The following MTERF4 variants were observed in gnomAD, a reference collection of about 807,000 sequenced individuals.
The protein encoded by MTERF4 is mitochondrial transcription termination factor 4, also known as transcription termination factor 4, mitochondrial.
In MTERF4, 17 loss-of-function variants were observed where a neutral mutation model predicts 22.5. The observed-to-expected ratio is 0.75, with a 90% CI of 0.52 to 1.13. The LOEUF (loss-of-function observed/expected upper bound fraction) is 1.13, where lower values mean the gene tolerates loss of function less well. MTERF4 is among the 50% of genes most tolerant of loss of function. MTERF4 has a pLI of 0.00. For missense variants in MTERF4, 420 were observed against 466.8 expected, an observed-to-expected ratio of 0.90 and a Z score of 0.92; for synonymous variants, 165 against 175.3, an observed-to-expected ratio of 0.94 and a Z score of 0.47.
downstream of MTERF4, among the ~76,000 whole-genome samples, chr2:241,086,631 T>A (rs1454976874): frequency 1.3e-5 from 2 of 152,232 alleles, no homozygotes; most frequent in African/African-American, 4.8e-5. Flanking sequence ...ATTGGGAGGT[T>A]AATTCCAGAT....
the MTERF4 span, among the ~76,000 whole-genome samples, chr2:241,052,652 TAC>T: frequency 1.3e-4 from 9 of 67,412 alleles, 2 homozygotes; most frequent in South Asian, 1.8e-3. Flanking sequence ...CCAAGCAGGG[TAC>T]ATGGGACACC....
chr2:241,065,460 G>A, the MTERF4 span: 76 of 1,612,946 alleles, frequency 4.7e-5, 2 homozygotes, highest in South Asian at 5.6e-4. Context: ...AGACTTTGTG[G>A]ACAGGACCCG....
At chr2:241,069,148 C>T, downstream of MTERF4, 1 of 648,180 alleles carries the variant, frequency 1.5e-6, no homozygotes, top group Non-Finnish European at 2.6e-6. This position sits in a 1 kb window ranked among gnomAD's most constrained non-coding sequence, Gnocchi z 4.9. Context: ...CCTGGCCTCC[C>T]AGATGTCTCT....
exon 5 of MTERF4, chr2:241,074,333 CCT>C (rs1370246799): frequency 6.6e-6 from 1 of 152,114 alleles, no homozygotes; most frequent in Non-Finnish European, 1.5e-5. Context: ...GCTGCTAGCC[CCT>C]GTGAGCACCA....
chr2:241,067,169 A>G (rs1448460908), downstream of MTERF4, among the ~76,000 whole-genome samples: 2 of 152,196 alleles, frequency 1.3e-5, no homozygotes, highest in Non-Finnish European at 2.9e-5. Flanking sequence ...GGTGGGTGGA[A>G]GGGACCGCTG....
At chr2:241,083,126 G>A (rs760174519), downstream of MTERF4, among the ~76,000 whole-genome samples, 2 of 152,232 alleles carry the variant, frequency 1.3e-5, no homozygotes, top group Non-Finnish European at 2.9e-5. Flanking sequence ...GAAAAAGGAC[G>A]AGATGACAGG....
chr2:241,050,523 C>T, the MTERF4 span, among the ~76,000 whole-genome samples: 1 of 152,178 alleles, frequency 6.6e-6, no homozygotes, highest in Non-Finnish European at 1.5e-5. Context: ...CCCCAGGCAC[C>T]CCCGCAGCCT....
the MTERF4 span, chr2:241,064,835 TC>T: frequency 5.7e-6 from 9 of 1,572,410 alleles, no homozygotes; most frequent in Non-Finnish European, 6.9e-6. This position sits in a 1 kb window ranked among gnomAD's most constrained non-coding sequence, Gnocchi z 7.0. Context: ...CCACTTTTTC[TC>T]CCCTCAGTGA....
At chr2:241,074,293 C>G (rs907415110) in exon 5 of MTERF4, 5 of 152,156 alleles carry the variant, frequency 3.3e-5, no homozygotes, top group South Asian at 4.2e-4. Flanking sequence ...ACCATCCCCC[C>G]CCCGCCCTCA....
the MTERF4 span, chr2:241,048,289 G>A: frequency 8.3e-6 from 13 of 1,573,024 alleles, no homozygotes; most frequent in Admixed American, 3.8e-5. Flanking sequence ...CTGCGTGGCC[G>A]CTGGTGACTG....
chr2:241,049,911 C>G, the MTERF4 span: 1 of 1,613,626 alleles, frequency 6.2e-7, no homozygotes, highest in Non-Finnish European at 8.5e-7. Context: ...CGCGCGGGTT[C>G]CACGGCAAGC....
Position 241,073,534 on chromosome 2 carries a change from C to T in MTERF4, n.2628G>A, listed in dbSNP as rs993903441. On this transcript the variant is annotated non_coding_transcript_exon_variant, in exon 5 of 5. Transcript: ENST00000464344. The surrounding 1 kb of genome is among the most constrained non-coding windows in gnomAD (Gnocchi z 6.6). ...GGTGTGGGAAGATGGGGTGAAGCTA[C>T]ACCACCCAAGCAGTGGGACCCCACA... is the stretch of plus-strand genomic sequence containing the variant. The T allele has an allele frequency of 1.8e-5, 12 of 662,020 alleles. No individual in the cohort carries two copies. In the African/African-American group the frequency reaches 2.0e-4, roughly 11 times the overall value. The allele number at this position is 662,020 out of a possible 1,614,324, so 41.0% of individuals were successfully genotyped here. A position where few individuals can be genotyped will look rare whatever the true frequency, so the allele number is the denominator to read the frequency against.
downstream of MTERF4, chr2:241,092,171 C>G (rs1417005786): frequency 6.6e-6 from 1 of 152,302 alleles, no homozygotes; most frequent in Non-Finnish European, 1.5e-5. The surrounding 1 kb of genome is among the most constrained non-coding windows in gnomAD (Gnocchi z 4.6). Flanking sequence ...GACACAGCCG[C>G]CCCTGCTCTG....
chr2:241,071,712 G>GCC, downstream of MTERF4: 1 of 903,718 alleles, frequency 1.1e-6, no homozygotes, highest in Non-Finnish European at 1.6e-6. Context: ...CCCCCACCCA[G>GCC]CCCCCCAGGT....
At chr2:241,063,383 G>A in the MTERF4 span, 1 of 600,542 alleles carries the variant, frequency 1.7e-6, no homozygotes, top group South Asian at 1.8e-5. Flanking sequence ...TGGAGGTGGG[G>A]CTTTGCCAGC....
chr2:241,050,685 G>A, the MTERF4 span, among the ~76,000 whole-genome samples: 1 of 152,186 alleles, frequency 6.6e-6, no homozygotes, highest in African/African-American at 2.4e-5. Context: ...CCAACTGCTT[G>A]GTTCTTTGCA....
At chr2:241,053,356 G>A in the MTERF4 span, 2 of 1,536,308 alleles carry the variant, frequency 1.3e-6, no homozygotes, top group Non-Finnish European at 8.8e-7. Context: ...GGGTGGGGCA[G>A]GTGGGGCCCA....
downstream of MTERF4, chr2:241,087,853 G>T (rs372676709): frequency 5.1e-5 from 25 of 487,122 alleles, no homozygotes; most frequent in Middle Eastern, 5.4e-4. Flanking sequence ...TTCCACAAAG[G>T]GTTCAAGGTA....
rs1032690364 is a variant in MTERF4, at chr2:241,096,744, G to A, written c.706-306C>T. 1.5e-5 allele frequency: 9 copies of A among 583,190 alleles called. No individual in the cohort carries two copies. Among genetic ancestry groups the A allele is most frequent in the African/African-American group, 1.1e-4 (6 of 53,504 alleles). The allele number at this position is 583,190 out of a possible 1,614,324, so 36.1% of individuals were successfully genotyped here. A position where few individuals can be genotyped will look rare whatever the true frequency, so the allele number is the denominator to read the frequency against. Reference sequence around the variant, plus strand: ...AATGGGGAAGGAAAAGGATGAATATGGAAAGAATAGGCAAAACATTCAGAA... The same window carrying A: ...AATGGGGAAGGAAAAGGATGAATATAGAAAGAATAGGCAAAACATTCAGAA... On this transcript the variant is annotated intron_variant, in intron 3 of 3. Transcript: ENST00000391980. This position sits in a 1 kb window ranked among gnomAD's most constrained non-coding sequence, Gnocchi z 5.1.
Sources: allele counts gnomAD v4.1 joint callset (sites outside exome capture counted in the v4.1 genomes callset), GRCh38; gene constraint gnomAD v4.1.1; non-coding constraint Gnocchi (gnomAD v3.1); transcripts MANE v1.5; gene names NCBI Gene and HGNC (gene_info 2026-07-23, HGNC 2026-07-21).